The following HSD17B12 variants were observed in gnomAD, a reference collection of about 807,000 sequenced individuals.
The protein encoded by HSD17B12 is hydroxysteroid 17-beta dehydrogenase 12.
In HSD17B12, 32 loss-of-function variants were observed where a neutral mutation model predicts 39.3. The ratio of observed to expected loss-of-function variants is 0.81; its 90% CI spans 0.61 to 1.09. The LOEUF (loss-of-function observed/expected upper bound fraction) is 1.09. Ranked by LOEUF, HSD17B12 falls within the 50% of genes least tolerant of loss-of-function variation. The pLI, the probability that HSD17B12 is intolerant of heterozygous loss-of-function variation, is 0.00. For synonymous variants in HSD17B12, 150 were observed against 146.7 expected (o/e 1.02, Z -0.16); for missense variants, 342 against 382.9 (o/e 0.89, Z 0.89).
the HSD17B12 span, among the ~76,000 whole-genome samples, chr11:43,586,455 G>A: frequency 2.0e-5 from 3 of 152,120 alleles, no homozygotes; most frequent in Non-Finnish European, 4.4e-5. Flanking sequence ...ATGGGTCCCT[G>A]TCTTTTATTT....
chr11:43,676,846 G>T (rs1949698448), upstream of HSD17B12, among the ~76,000 whole-genome samples: 1 of 152,154 alleles, frequency 6.6e-6, no homozygotes, highest in African/African-American at 2.4e-5. Context: ...TATAATAACT[G>T]TCTTCTCCCC....
chr11:43,700,750 G>T (rs1220618838), intron 1 of HSD17B12, among the ~76,000 whole-genome samples: 2 of 152,070 alleles, frequency 1.3e-5, no homozygotes, highest in Non-Finnish European at 2.9e-5. Context: ...GGACACTTAG[G>T]TTGCTTCCAA....
At chr11:43,739,610 C>G (rs575258040) in intron 1 of HSD17B12, among the ~76,000 whole-genome samples, 5 of 152,224 alleles carry the variant, frequency 3.3e-5, no homozygotes, top group East Asian at 3.9e-4. Flanking sequence ...TTTATAAGGG[C>G]CTTAATTCCA....
At chr11:43,621,200 A>C in the HSD17B12 span, among the ~76,000 whole-genome samples, 1 of 152,140 alleles carries the variant, frequency 6.6e-6, no homozygotes, top group Non-Finnish European at 1.5e-5. Flanking sequence ...GCTTTTTCCT[A>C]GTTCCCATAG....
chr11:43,850,907 C>T (rs956721149), intron 9 of HSD17B12, among the ~76,000 whole-genome samples: 1 of 152,008 alleles, frequency 6.6e-6, no homozygotes, highest in Non-Finnish European at 1.5e-5. Context: ...ACTAAAAATA[C>T]AAAATTAGCC....
chr11:43,650,077 A>G, the HSD17B12 span, among the ~76,000 whole-genome samples: 5 of 152,206 alleles, frequency 3.3e-5, no homozygotes, highest in African/African-American at 4.8e-5. Context: ...CCATAAAATC[A>G]TGAGCCAAAT....
chr11:43,626,297 A>T, the HSD17B12 span, among the ~76,000 whole-genome samples: 1 of 151,772 alleles, frequency 6.6e-6, no homozygotes, highest in Non-Finnish European at 1.5e-5. Context: ...CAGAATGACA[A>T]ATTTGCTTTG....
At chr11:43,598,257 T>G in the HSD17B12 span, among the ~76,000 whole-genome samples, 2 of 152,210 alleles carry the variant, frequency 1.3e-5, no homozygotes, top group East Asian at 1.9e-4. Flanking sequence ...CTACCCCTTC[T>G]TCCCAAGTGA....
At chr11:43,827,298 C>T (rs1053052244) in intron 6 of HSD17B12, among the ~76,000 whole-genome samples, 3 of 152,066 alleles carry the variant, frequency 2.0e-5, no homozygotes, top group African/African-American at 7.2e-5. Context: ...GAACATTATG[C>T]AATCATGTTT....
chr11:43,832,246 A>T (rs921500453), intron 7 of HSD17B12, among the ~76,000 whole-genome samples: 2 of 152,174 alleles, frequency 1.3e-5, no homozygotes, highest in East Asian at 3.8e-4. Context: ...AGGAGGGATT[A>T]AATTTGGGCC....
chr11:43,809,410 A>C (rs1951048116), intron 4 of HSD17B12, among the ~76,000 whole-genome samples: 1 of 152,228 alleles, frequency 6.6e-6, no homozygotes, highest in African/African-American at 2.4e-5. Context: ...CTTTTAGCTC[A>C]AAAATTTAAG....
the HSD17B12 span, among the ~76,000 whole-genome samples, chr11:43,589,289 C>T: frequency 6.6e-6 from 1 of 152,134 alleles, no homozygotes; most frequent in Non-Finnish European, 1.5e-5. Context: ...TTGTTCTCCT[C>T]CTTTTGATCC....
intron 1 of HSD17B12, among the ~76,000 whole-genome samples, chr11:43,741,193 A>C (rs1461881647): frequency 6.6e-6 from 1 of 152,240 alleles, no homozygotes; most frequent in African/African-American, 2.4e-5. Flanking sequence ...ATATTTTTAA[A>C]TTTTGACATT....
chr11:43,765,705 T>C (rs1180191446), intron 3 of HSD17B12, among the ~76,000 whole-genome samples: 1 of 152,226 alleles, frequency 6.6e-6, no homozygotes, highest in East Asian at 1.9e-4. Context: ...TGTTTATTTA[T>C]ATGCCTTCAC....
chr11:43,622,975 A>C, the HSD17B12 span, among the ~76,000 whole-genome samples: 1 of 152,182 alleles, frequency 6.6e-6, no homozygotes, highest in Non-Finnish European at 1.5e-5. Flanking sequence ...TTTAATCTCA[A>C]CTTGATTAAT....
chr11:43,790,307 A>C (rs1950855450), intron 3 of HSD17B12, among the ~76,000 whole-genome samples: 1 of 152,224 alleles, frequency 6.6e-6, no homozygotes, highest in African/African-American at 2.4e-5. Flanking sequence ...TCAGATGTTC[A>C]TGCCAGCTTG....
intron 3 of HSD17B12, among the ~76,000 whole-genome samples, chr11:43,760,334 G>A (rs1460197580): frequency 6.6e-6 from 1 of 152,136 alleles, no homozygotes; most frequent in Non-Finnish European, 1.5e-5. Flanking sequence ...ATACATGTAA[G>A]CCACTGCGCC....
At chr11:43,713,859 G>A (rs923792168) in intron 1 of HSD17B12, among the ~76,000 whole-genome samples, 2 of 152,164 alleles carry the variant, frequency 1.3e-5, no homozygotes. Context: ...GTTTTGATTT[G>A]CATTTCTCTG....
At chr11:43,666,855 T>C in the HSD17B12 span, among the ~76,000 whole-genome samples, 4 of 152,224 alleles carry the variant, frequency 2.6e-5, no homozygotes, top group African/African-American at 9.6e-5. Flanking sequence ...AAGATCACTC[T>C]TAAGAGTTGA....
Sources: allele counts gnomAD v4.1 joint callset (sites outside exome capture counted in the v4.1 genomes callset), GRCh38; gene constraint gnomAD v4.1.1; transcripts MANE v1.5; gene names NCBI Gene and HGNC (gene_info 2026-07-23, HGNC 2026-07-21).